INTU: variants seen among roughly 807,000 people sequenced by gnomAD.
INTU encodes the protein protein inturned.
A neutral mutation model predicts 100.5 loss-of-function variants in INTU; 68 were observed. That is an observed-to-expected ratio of 0.68 (90% CI 0.56 to 0.83). The LOEUF (loss-of-function observed/expected upper bound fraction) is 0.83. Among genes scored for constraint, INTU ranks in the 40% least tolerant of loss-of-function variants. INTU has a pLI of 0.00. For missense variants in INTU, 1,071 were observed against 1,114.7 expected (o/e 0.96, Z 0.56); for synonymous variants, 357 against 395.7 (o/e 0.90, Z 1.16).
intron 3 of INTU, among the ~76,000 whole-genome samples, chr4:127,659,335 A>G (rs1728371495): frequency 2.0e-5 from 3 of 152,264 alleles, no homozygotes; most frequent in Admixed American, 6.5e-5. Flanking sequence ...TATAGAGAAG[A>G]GAGGAGTATG....
At chr4:127,673,466 A>G (rs985743618) in intron 5 of INTU, among the ~76,000 whole-genome samples, 1 of 150,860 alleles carries the variant, frequency 6.6e-6, no homozygotes, top group African/African-American at 2.4e-5. Flanking sequence ...GATTATAGGT[A>G]TGATCCACTG....
chr4:127,696,632 T>A (rs747598893), intron 8 of INTU, among the ~76,000 whole-genome samples: 1 of 152,056 alleles, frequency 6.6e-6, no homozygotes, highest in Non-Finnish European at 1.5e-5. Context: ...GAAACAGCTT[T>A]TGGTTTCATC....
In INTU at chr4:127,722,574, C is replaced by T. The variant is rs1385890264; in HGVS notation, c.*6138C>T. ...AGACTAAGATCACTGATCCATGATA[C>T]TTCAGCCATCCTTCCTCCTAGGGGC... On this transcript the variant is annotated 3_prime_UTR_variant, in exon 16 of 16. Transcript: ENST00000335251. 1.3e-5 allele frequency: 2 copies of T among 152,454 alleles called. No homozygotes were observed. 9.4% of individuals were successfully genotyped at this position (152,454 alleles called of 1,614,324 possible).
chr4:127,698,599 T>G (rs573052793), intron 8 of INTU, among the ~76,000 whole-genome samples: 74 of 152,346 alleles, frequency 4.9e-4, no homozygotes, highest in African/African-American at 1.6e-3. Context: ...GTTCCAGGTT[T>G]AGTATATAAT....
Position 127,720,403 on chromosome 4 carries a change from T to G in INTU, c.*3967T>G, listed in dbSNP as rs1341784775. ...CTGAGGAGTGCTTTACTTCTAATTG[T>G]GTGATCAATTTTAGAGTAAGTACCA... On this transcript the variant is annotated 3_prime_UTR_variant, in exon 16 of 16. Transcript: ENST00000335251. The G allele has an allele frequency of 6.6e-6, 1 of 152,218 alleles. No homozygotes were observed. The highest frequency in any genetic ancestry group is 1.5e-5 in the Non-Finnish European group (1 of 68,036). 9.4% of individuals were successfully genotyped at this position (152,218 alleles called of 1,614,324 possible). A position where few individuals can be genotyped will look rare whatever the true frequency, so the allele number is the denominator to read the frequency against.
chr4:127,680,030 T>TA (rs1455565331), intron 6 of INTU, among the ~76,000 whole-genome samples: 1 of 152,088 alleles, frequency 6.6e-6, no homozygotes, highest in Admixed American at 6.6e-5. Flanking sequence ...CCTTGACACA[T>TA]ACACCCTCCC....
chr4:127,655,175 C>T (rs1044719515), intron 2 of INTU, among the ~76,000 whole-genome samples: 1 of 151,896 alleles, frequency 6.6e-6, no homozygotes, highest in African/African-American at 2.4e-5. Context: ...TGAATGTCCT[C>T]TCGTAGCTCA....
At chr4:127,682,892 A>T (rs1208767271) in intron 6 of INTU, among the ~76,000 whole-genome samples, 1 of 152,218 alleles carries the variant, frequency 6.6e-6, no homozygotes, top group Non-Finnish European at 1.5e-5. Context: ...GCAGCCCAAA[A>T]GGCAAAAGAG....
chr4:127,633,084 C>A lies in INTU; in HGVS notation c.50C>A (p.Pro17His). Residue 17 changes from proline to histidine, a missense_variant, in exon 1 of 16, where the codon CCT becomes CAT. Coordinates refer to ENST00000335251, the MANE Select transcript of INTU (RefSeq NM_015693.4). ...TCGCGTCCGAGCTCAGACGAGCTCC[C>A]TGGAGACCCCTCTTCACAAGAAGAA... is the stretch of plus-strand genomic sequence containing the variant. ...CDSRPSSDEL[P>H]GDPSSQEEDE... The A allele has an allele frequency of 2.5e-6, 4 of 1,614,038 alleles. No individual in the cohort carries two copies. Among genetic ancestry groups the A allele is most frequent in the Non-Finnish European group, 3.4e-6 (4 of 1,179,904 alleles).
chr4:127,701,322 A>G (rs1730639572), intron 9 of INTU, among the ~76,000 whole-genome samples: 1 of 152,176 alleles, frequency 6.6e-6, no homozygotes, highest in Admixed American at 6.6e-5. Context: ...GTTGAGAGAG[A>G]TCTCAGTTAC....
chr4:127,709,289 C>T (rs983297350), intron 13 of INTU, among the ~76,000 whole-genome samples: 1 of 152,188 alleles, frequency 6.6e-6, no homozygotes, highest in Admixed American at 6.6e-5. Context: ...GCCGCTGCAG[C>T]ACAGTTCATC....
In INTU at chr4:127,717,538, G is replaced by T. The variant is rs1475136711; in HGVS notation, c.*1102G>T. 6.6e-6 allele frequency: 1 copy of T among 152,138 alleles called. No homozygotes were observed. The highest frequency in any genetic ancestry group is 1.9e-4 in the East Asian group (1 of 5,196). The allele number at this position is 152,138 out of a possible 1,614,324, so 9.4% of individuals were successfully genotyped here. A position where few individuals can be genotyped will look rare whatever the true frequency, so the allele number is the denominator to read the frequency against. On this transcript the variant is annotated 3_prime_UTR_variant, in exon 16 of 16. Coordinates refer to ENST00000335251, the MANE Select transcript of INTU (RefSeq NM_015693.4). ...ATTGCTGGGTCAAATGGCATTTCTG[G>T]TTCTAGATCTTTGAAGAATCACCAC...
intron 2 of INTU, among the ~76,000 whole-genome samples, chr4:127,644,656 AT>A (rs901989391): frequency 2.0e-5 from 3 of 152,234 alleles, no homozygotes; most frequent in African/African-American, 7.2e-5. Context: ...TAAGATGAAC[AT>A]TTTGTGTTGC....
At chr4:127,705,390 C>T (rs184703958) in intron 10 of INTU, among the ~76,000 whole-genome samples, 14 of 152,224 alleles carry the variant, frequency 9.2e-5, no homozygotes, top group East Asian at 3.9e-4. Context: ...GTCTACCTGT[C>T]GGTACACCTT....
rs1032634655 is a variant in INTU at position 127,718,242 on chromosome 4, C to T, written c.*1806C>T. 3 of 152,244 alleles carry T rather than the reference C, an allele frequency of 2.0e-5. No homozygotes were observed. Among genetic ancestry groups the T allele is most frequent in the African/African-American group, 7.2e-5 (3 of 41,548 alleles). The allele number at this position is 152,244 out of a possible 1,614,324, so 9.4% of individuals were successfully genotyped here. A position where few individuals can be genotyped will look rare whatever the true frequency, so the allele number is the denominator to read the frequency against. On this transcript the variant is annotated 3_prime_UTR_variant, in exon 16 of 16. Transcript: ENST00000335251. Reference sequence around the variant, plus strand: ...CAGCACCATTTATTAAATAAGGAATCCTTTCCCCATTGCTTGTTTTTCTCA... The same window carrying T: ...CAGCACCATTTATTAAATAAGGAATTCTTTCCCCATTGCTTGTTTTTCTCA...
intron 3 of INTU, among the ~76,000 whole-genome samples, chr4:127,657,664 T>C (rs1264214319): frequency 6.6e-6 from 1 of 151,928 alleles, no homozygotes; most frequent in African/African-American, 2.4e-5. Flanking sequence ...TATTGTGATC[T>C]GTGCATGAAA....
intron 4 of INTU, among the ~76,000 whole-genome samples, chr4:127,664,054 C>T (rs557450098): frequency 1.3e-5 from 2 of 152,170 alleles, no homozygotes; most frequent in African/African-American, 4.8e-5. Context: ...TGCTCTGTTA[C>T]AATCAATCCC....
intron 2 of INTU, among the ~76,000 whole-genome samples, chr4:127,654,159 G>GTC (rs1578547877): frequency 6.6e-6 from 1 of 151,152 alleles, no homozygotes; most frequent in East Asian, 1.9e-4. Context: ...ACACTGATGG[G>GTC]TCTTGACTCT....
intron 4 of INTU, among the ~76,000 whole-genome samples, chr4:127,667,730 T>C (rs1336558194): frequency 1.3e-5 from 2 of 152,120 alleles, no homozygotes; most frequent in African/African-American, 4.8e-5. Flanking sequence ...TTTCTAGATA[T>C]AAAATAATGT....
Sources: allele counts gnomAD v4.1 joint callset (sites outside exome capture counted in the v4.1 genomes callset), GRCh38; gene constraint gnomAD v4.1.1; transcripts MANE v1.5; gene names NCBI Gene and HGNC (gene_info 2026-07-23, HGNC 2026-07-21).